The following RBFOX1 variants were observed in gnomAD, a reference collection of about 807,000 sequenced individuals.
The protein encoded by RBFOX1 is RNA binding protein fox-1 homolog 1.
In RBFOX1, 8 loss-of-function variants were observed where a neutral mutation model predicts 57.7. The observed-to-expected ratio is 0.14, with a 90% CI of 0.08 to 0.25. RBFOX1 has a LOEUF of 0.25. RBFOX1 is among the 10% of genes least tolerant of loss of function. The pLI is 1.00. For synonymous variants in RBFOX1, 326 were observed against 222.4 expected, an observed-to-expected ratio of 1.47 and a Z score of -4.15; for missense variants, 611 against 548.5, an observed-to-expected ratio of 1.11 and a Z score of -1.14.
chr16:6,198,396 CTA>C (rs1027803206), intron 1 of RBFOX1, among the ~76,000 whole-genome samples: 5 of 152,152 alleles, frequency 3.3e-5, no homozygotes, highest in African/African-American at 1.2e-4. Context: ...CATGTTTTGT[CTA>C]TGACTTTGTG....
chr16:6,442,161 A>T (rs2094396726), intron 2 of RBFOX1, among the ~76,000 whole-genome samples: 1 of 152,208 alleles, frequency 6.6e-6, no homozygotes, highest in African/African-American at 2.4e-5. Flanking sequence ...ATAGCAGGGG[A>T]CAGAGCTTGA....
rs2148136669 is a variant in RBFOX1 at position 7,701,108 on chromosome 16, T to C, written c.996-7948T>C. On this transcript the variant is annotated intron_variant, in intron 14 of 15. Coordinates refer to ENST00000550418, the MANE Select transcript of RBFOX1 (RefSeq NM_018723.4). ...AGGTTGAAAAATGTGCTAAGTGATT[T>C]CTGAAGTTAAGCGCTTTAAAGACAA... Among the ~76,000 whole-genome samples, 3 of 149,950 alleles carry C rather than the reference T, an allele frequency of 2.0e-5. 1 individual carries two copies. In the South Asian group the frequency reaches 6.2e-4, roughly 31 times the overall value.
intron 3 of RBFOX1, among the ~76,000 whole-genome samples, chr16:6,657,077 C>A (rs561483931): frequency 1.1e-4 from 14 of 122,842 alleles, no homozygotes; most frequent in African/African-American, 4.5e-4. Context: ...CCTCTCCTCC[C>A]CTTTCCTCTC....
intron 4 of RBFOX1, among the ~76,000 whole-genome samples, chr16:5,929,131 T>G (rs2058995773): frequency 6.6e-6 from 1 of 151,938 alleles, no homozygotes; most frequent in South Asian, 2.1e-4. Flanking sequence ...ACAGAGACAT[T>G]GCTTTGGATC....
chr16:7,415,852 C>T (rs575268610), intron 4 of RBFOX1, among the ~76,000 whole-genome samples: 12 of 152,238 alleles, frequency 7.9e-5, no homozygotes, highest in Admixed American at 3.3e-4. Context: ...CATCCTCTCC[C>T]GGGAAGATGG....
At chr16:6,346,258 T>C (rs796475165) in intron 2 of RBFOX1, among the ~76,000 whole-genome samples, 1 of 152,232 alleles carries the variant, frequency 6.6e-6, no homozygotes, top group Admixed American at 6.5e-5. Context: ...TCTGAGAGAA[T>C]AGAAGCGGCC....
At chr16:6,607,630 T>C (rs530821226) in intron 2 of RBFOX1, among the ~76,000 whole-genome samples, 59 of 151,912 alleles carry the variant, frequency 3.9e-4, no homozygotes, top group African/African-American at 1.4e-3. Flanking sequence ...TTCTTCCTCC[T>C]CTATCTCTCC....
At chr16:6,755,650 A>C (rs753010657) in intron 3 of RBFOX1, among the ~76,000 whole-genome samples, 32 of 152,320 alleles carry the variant, frequency 2.1e-4, no homozygotes, top group Non-Finnish European at 4.0e-4. Flanking sequence ...TGAGAACTTT[A>C]GTAAAAACAA....
chr16:6,366,458 G>A (rs975171928), intron 2 of RBFOX1, among the ~76,000 whole-genome samples: 1 of 152,010 alleles, frequency 6.6e-6, no homozygotes, highest in African/African-American at 2.4e-5. Context: ...AGACAATGTT[G>A]AACAACCCAG....
intron 2 of RBFOX1, among the ~76,000 whole-genome samples, chr16:6,542,483 CTTTTTTTTTTTTTTTT>C (rs71145245): frequency 3.6e-5 from 2 of 55,720 alleles, no homozygotes; most frequent in Non-Finnish European, 6.1e-5. Flanking sequence ...GGACCATAGT[CTTTTTTTTTTTTTTTT>C]TTTTTTTTGA....
At chr16:6,723,509 T>C (rs1382689837) in intron 3 of RBFOX1, among the ~76,000 whole-genome samples, 4 of 152,200 alleles carry the variant, frequency 2.6e-5, no homozygotes. Context: ...CAATTATAGA[T>C]TGTGTTTGTA....
chr16:5,752,605 C>T lies in RBFOX1; in HGVS notation c.319-114698C>T, dbSNP rs568846946. Among the ~76,000 whole-genome samples, 14 of 152,246 alleles carry T rather than the reference C, an allele frequency of 9.2e-5. No homozygotes were observed. The South Asian group carries it at 2.9e-3, about 32-fold the overall frequency. ...TATTTTCTCCCTTCAGAGAGAATGG[C>T]ACCCCAAATTGAAGATAAACAGTCA... is the stretch of plus-strand genomic sequence containing the variant. On this transcript the variant is annotated intron_variant, in intron 3 of 19. Transcript: ENST00000641259.
intron 1 of RBFOX1, among the ~76,000 whole-genome samples, chr16:6,023,175 C>T (rs1339709170): frequency 2.6e-5 from 4 of 152,090 alleles, no homozygotes; most frequent in African/African-American, 9.7e-5. Context: ...GAGTTTTCCA[C>T]TCAGAAATGA....
At chr16:5,401,764 TCTCCTCCTCCTCCTC>T (rs71142618) in intron 1 of RBFOX1, among the ~76,000 whole-genome samples, 2 of 103,408 alleles carry the variant, frequency 1.9e-5, no homozygotes, top group Admixed American at 2.1e-4. Flanking sequence ...TCCCTGTCTC[TCTCCTCCTCCTCCTC>T]CTCCTCCTCC....
chr16:7,699,801 T>G (rs937733131), intron 14 of RBFOX1, among the ~76,000 whole-genome samples: 2 of 152,116 alleles, frequency 1.3e-5, no homozygotes, highest in African/African-American at 2.4e-5. Context: ...ATGTGTGGCT[T>G]TTATTATGTT....
intron 4 of RBFOX1, among the ~76,000 whole-genome samples, chr16:5,920,697 G>A (rs1056857462): frequency 4.6e-5 from 7 of 152,280 alleles, no homozygotes; most frequent in East Asian, 1.9e-4. Flanking sequence ...TAGGATCCTC[G>A]TCCTTGAGAT....
intron 2 of RBFOX1, among the ~76,000 whole-genome samples, chr16:6,484,260 C>A (rs1277793422): frequency 6.6e-6 from 1 of 152,070 alleles, no homozygotes; most frequent in Admixed American, 6.5e-5. Flanking sequence ...TGTGCATTTG[C>A]GAAGTTGGCA....
chr16:5,932,298 C>T (rs1346904776), intron 4 of RBFOX1, among the ~76,000 whole-genome samples: 1 of 152,224 alleles, frequency 6.6e-6, no homozygotes, highest in Non-Finnish European at 1.5e-5. Flanking sequence ...TACAGAAGGT[C>T]TGTGGGACTG....
At chr16:7,262,723 G>C (rs1003155484) in intron 4 of RBFOX1, among the ~76,000 whole-genome samples, 2 of 152,268 alleles carry the variant, frequency 1.3e-5, no homozygotes, top group South Asian at 2.1e-4. Flanking sequence ...TATCACCAAG[G>C]AGAGGGCATC....
Sources: allele counts gnomAD v4.1 joint callset (sites outside exome capture counted in the v4.1 genomes callset), GRCh38; gene constraint gnomAD v4.1.1; transcripts MANE v1.5; gene names NCBI Gene and HGNC (gene_info 2026-07-23, HGNC 2026-07-21).